The following COL6A6 variants were observed in gnomAD, a reference collection of about 807,000 sequenced individuals.
COL6A6 encodes collagen type VI alpha 6 chain, also known as collagen alpha-6(VI) chain.
In COL6A6, 183 loss-of-function variants were observed where a neutral mutation model predicts 208.6. That is an observed-to-expected ratio of 0.88 (90% CI 0.78 to 0.99). The LOEUF (loss-of-function observed/expected upper bound fraction) is 0.99, where lower values mean the gene tolerates loss of function less well. COL6A6 is among the 50% of genes least tolerant of loss of function. The pLI is 0.00. For synonymous variants in COL6A6, 973 were observed against 1,011.8 expected, an observed-to-expected ratio of 0.96 and a Z score of 0.73; for missense variants, 2,816 against 2,815.2, an observed-to-expected ratio of 1.00 and a Z score of -0.01.
chr3:130,606,992 C>T, intron 21 of COL6A6, 26 bp downstream of exon 21: 2 of 1,569,204 alleles, frequency 1.3e-6, no homozygotes, highest in East Asian at 2.3e-5. Context: ...CCCTTAACTC[C>T]AAATAACAAA....
At position 130,641,722 on chromosome 3, in the gene COL6A6, G is replaced by GA; in HGVS notation, c.5154+13dup. 6.5e-7 allele frequency: 1 copy of GA among 1,546,892 alleles called. No individual in the cohort carries two copies. Among genetic ancestry groups the GA allele is most frequent in the Non-Finnish European group, 8.9e-7 (1 of 1,124,728 alleles). On this transcript the variant is annotated intron_variant, in intron 29 of 36. Transcript: ENST00000358511. Reference sequence around the variant, plus strand: ...GGACCTCCTGGACGTAAGGTAAGTAGAAAAACTATAAACCACAGCAGGTCC... The same window carrying GA: ...GGACCTCCTGGACGTAAGGTAAGTAGAAAAAACTATAAACCACAGCAGGTCC...
At chr3:130,593,795 T>A (rs2063780501) in intron 17 of COL6A6, among the ~76,000 whole-genome samples, 1 of 152,108 alleles carries the variant, frequency 6.6e-6, no homozygotes, top group Non-Finnish European at 1.5e-5. Flanking sequence ...ATAGTAAGAA[T>A]AGAAGTGGGG....
intron 24 of COL6A6, 120 bp downstream of exon 24, chr3:130,622,003 C>G (rs1211982613): frequency 1.2e-6 from 1 of 813,794 alleles, no homozygotes; most frequent in Non-Finnish European, 2.0e-6. Flanking sequence ...GTCCTTAAAC[C>G]CTGGCTTGAT....
chr3:130,638,654 T>G (rs778129807), intron 28 of COL6A6, among the ~76,000 whole-genome samples: 15 of 152,252 alleles, frequency 9.9e-5, no homozygotes, highest in Non-Finnish European at 2.1e-4. Flanking sequence ...ACAGCTAACA[T>G]CTGAAAGGAT....
chr3:130,641,680 G>T lies in COL6A6; in HGVS notation c.5120G>T (p.Gly1707Val). The T allele has an allele frequency of 4.4e-6, 7 of 1,601,038 alleles. No individual in the cohort carries two copies. Among genetic ancestry groups the T allele is most frequent in the Non-Finnish European group, 3.4e-6 (4 of 1,169,794 alleles). Residue 1707 changes from glycine to valine, a missense_variant, in exon 29 of 37, where the codon GGA becomes GTA. Physicochemically the swap from Gly to Val is moderately radical, Grantham distance 109. Transcript: ENST00000358511. Reference protein sequence around the residue: ...MISAGLPGEMGSPGEPGPPGR... With the variant: ...MISAGLPGEMVSPGEPGPPGR... ...TCTGCTGGGCTTCCAGGAGAGATGGGATCCCCTGGGGAACCAGGACCTCCT... is the reference window on the plus strand; with the variant it reads ...TCTGCTGGGCTTCCAGGAGAGATGGTATCCCCTGGGGAACCAGGACCTCCT...
chr3:130,527,836 G>A (rs1056872511), intron 1 of COL6A6, among the ~76,000 whole-genome samples: 10 of 149,224 alleles, frequency 6.7e-5, no homozygotes, highest in African/African-American at 2.5e-4. Flanking sequence ...CCCATGGTCA[G>A]CATAGTAACT....
At chr3:130,582,429 C>T (rs948010691) in intron 10 of COL6A6, among the ~76,000 whole-genome samples, 32 of 152,234 alleles carry the variant, frequency 2.1e-4, no homozygotes, top group African/African-American at 7.0e-4. Context: ...TTCTCCTTGA[C>T]CAGGGAATGA....
chr3:130,558,169 G>A (rs749299686), intron 1 of COL6A6, among the ~76,000 whole-genome samples: 5 of 152,144 alleles, frequency 3.3e-5, no homozygotes. Flanking sequence ...TGTTTATAAT[G>A]TAAGTATGAA....
At chr3:130,638,839 T>G (rs553027182) in intron 28 of COL6A6, among the ~76,000 whole-genome samples, 9 of 152,342 alleles carry the variant, frequency 5.9e-5, no homozygotes, top group African/African-American at 1.9e-4. Flanking sequence ...GTGTTCTCTC[T>G]CTGGCACCTT....
intron 35 of COL6A6, among the ~76,000 whole-genome samples, chr3:130,663,232 T>C (rs575155696): frequency 6.6e-6 from 1 of 152,142 alleles, no homozygotes; most frequent in African/African-American, 2.4e-5. Context: ...GAGATTGTTG[T>C]TGGGGCTGAT....
intron 23 of COL6A6, 137 bp downstream of exon 23, chr3:130,610,848 G>A (rs2064336133): frequency 1.6e-6 from 1 of 639,346 alleles, no homozygotes; most frequent in African/African-American, 1.9e-5. Flanking sequence ...GCTCAATGTG[G>A]TGGCCACATC....
At chr3:130,583,927 A>G (rs2063479785) in intron 10 of COL6A6, among the ~76,000 whole-genome samples, 2 of 152,208 alleles carry the variant, frequency 1.3e-5, no homozygotes, top group Admixed American at 1.3e-4. Flanking sequence ...CCGGGCATCA[A>G]TATGTGTAAA....
chr3:130,607,884 T>C (rs2064233536), intron 21 of COL6A6, among the ~76,000 whole-genome samples: 1 of 152,228 alleles, frequency 6.6e-6, no homozygotes, highest in South Asian at 2.1e-4. Context: ...ACTGGTAATT[T>C]ATAAACAACA....
chr3:130,520,808 T>C (rs1004421811), intron 1 of COL6A6, among the ~76,000 whole-genome samples: 1 of 152,188 alleles, frequency 6.6e-6, no homozygotes, highest in Admixed American at 6.5e-5. Context: ...AAACACCTGG[T>C]CTATCACTAC....
intron 21 of COL6A6, among the ~76,000 whole-genome samples, chr3:130,608,010 C>A (rs2064237106): frequency 6.6e-6 from 1 of 152,120 alleles, no homozygotes; most frequent in South Asian, 2.1e-4. Flanking sequence ...CTTGCTGCAT[C>A]CACACATGGC....
At chr3:130,609,974 T>TA (rs1435701252) in intron 22 of COL6A6, among the ~76,000 whole-genome samples, 1 of 147,618 alleles carries the variant, frequency 6.8e-6, no homozygotes, top group African/African-American at 2.5e-5. Context: ...TTTTTTTTTT[T>TA]TAACCTTCAA....
chr3:130,523,908 C>T (rs1711227644), intron 1 of COL6A6, among the ~76,000 whole-genome samples: 1 of 152,186 alleles, frequency 6.6e-6, no homozygotes, highest in Non-Finnish European at 1.5e-5. Flanking sequence ...TATCTGCATT[C>T]CCTGGGTTAA....
intron 28 of COL6A6, among the ~76,000 whole-genome samples, chr3:130,638,122 A>G (rs1439004665): frequency 1.3e-5 from 2 of 151,988 alleles, no homozygotes; most frequent in Admixed American, 6.6e-5. Flanking sequence ...GTCAAATAAC[A>G]AAGTTTGTTA....
chr3:130,517,990 A>G (rs1177528969), intron 1 of COL6A6, among the ~76,000 whole-genome samples: 1 of 152,200 alleles, frequency 6.6e-6, no homozygotes, highest in Non-Finnish European at 1.5e-5. Context: ...GCGGAACCCC[A>G]ATTACCTGGC....
Sources: allele counts gnomAD v4.1 joint callset (sites outside exome capture counted in the v4.1 genomes callset), GRCh38; gene constraint gnomAD v4.1.1; transcripts MANE v1.5; gene names NCBI Gene and HGNC (gene_info 2026-07-23, HGNC 2026-07-21).